The following CARMIL1 variants were observed in gnomAD, a reference collection of about 807,000 sequenced individuals.
CARMIL1 encodes the protein F-actin-uncapping protein LRRC16A.
Under a neutral mutation model 177.1 loss-of-function variants are expected in CARMIL1, and 90 were observed. That is an observed-to-expected ratio of 0.51 (90% confidence interval 0.43 to 0.61). The LOEUF (loss-of-function observed/expected upper bound fraction) is 0.61, where lower values mean the gene tolerates loss of function less well. Ranked by LOEUF, CARMIL1 falls within the 20% of genes least tolerant of loss-of-function variation. The pLI is 0.00. For synonymous variants in CARMIL1, 577 were observed against 606.2 expected (o/e 0.95, Z 0.71); for missense variants, 1,380 against 1,667.0 (o/e 0.83, Z 3.00).
chr6:25,541,776 C>T (rs976142654), intron 26 of CARMIL1, among the ~76,000 whole-genome samples: 2 of 152,262 alleles, frequency 1.3e-5, no homozygotes, highest in Admixed American at 6.5e-5. Flanking sequence ...GTGTCAGCCT[C>T]CCAAGTAGCT....
At chr6:25,442,706 AC>A (rs1797885324) in intron 5 of CARMIL1, among the ~76,000 whole-genome samples, 1 of 152,158 alleles carries the variant, frequency 6.6e-6, no homozygotes, top group African/African-American at 2.4e-5. Context: ...TCATGAGACT[AC>A]TTTAGCTCCT....
At chr6:25,379,989 T>C (rs182646968) in intron 2 of CARMIL1, among the ~76,000 whole-genome samples, 15 of 149,138 alleles carry the variant, frequency 1.0e-4, no homozygotes, top group African/African-American at 2.9e-4. Flanking sequence ...CTTACCTCCA[T>C]GGAATTTATT....
intron 31 of CARMIL1, among the ~76,000 whole-genome samples, chr6:25,586,116 G>A (rs1813637514): frequency 1.3e-5 from 2 of 150,200 alleles, no homozygotes; most frequent in South Asian, 4.2e-4. Flanking sequence ...TCTCCCTAAC[G>A]GGACGGCTGG....
chr6:25,427,280 C>A (rs114156841), intron 4 of CARMIL1, among the ~76,000 whole-genome samples: 5 of 152,086 alleles, frequency 3.3e-5, no homozygotes, highest in Non-Finnish European at 1.5e-5. Flanking sequence ...CCATCCATCA[C>A]CTAGGTATTA....
At chr6:25,487,072 T>C (rs1582118648) in intron 12 of CARMIL1, among the ~76,000 whole-genome samples, 1 of 152,370 alleles carries the variant, frequency 6.6e-6, no homozygotes, top group East Asian at 1.9e-4. Context: ...CTCGGTCTCC[T>C]GTATACCCAC....
At position 25,449,943 on chromosome 6, in the gene CARMIL1, T is replaced by G. The variant is rs1296634236; in HGVS notation, c.417T>G (p.Ala139=). The change falls in exon 6 of 37, where the codon GCT becomes GCG. Residue 139 remains alanine (A), a synonymous_variant. Coordinates refer to ENST00000329474, the MANE Select transcript of CARMIL1 (RefSeq NM_017640.6). The part of the protein sequence containing the change: ...KVSMEPSERL[A]SLQALWDSQT... Reference sequence around the variant, plus strand: ...CCATGGAGCCATCTGAGCGCCTGGCTAGTCTCCAGGCGCTGTGGGACAGCC... The same window carrying G: ...CCATGGAGCCATCTGAGCGCCTGGCGAGTCTCCAGGCGCTGTGGGACAGCC... 6.2e-7 allele frequency: 1 copy of G among 1,612,106 alleles called. No individual in the cohort carries two copies. The highest frequency in any genetic ancestry group is 1.7e-5 in the Admixed American group (1 of 59,802).
intron 2 of CARMIL1, among the ~76,000 whole-genome samples, chr6:25,408,301 A>T (rs1017992988): frequency 2.6e-5 from 4 of 151,662 alleles, no homozygotes; most frequent in Non-Finnish European, 4.4e-5. Context: ...ATAAAAAAAA[A>T]AAAAAAAAAA....
rs569412879 is a variant in CARMIL1, at chr6:25,474,999, G to T, written c.874+2478G>T. 5.9e-5 allele frequency among the ~76,000 whole-genome samples: 9 copies of T among 152,306 alleles called. No homozygotes were observed. The South Asian group carries it at 1.9e-3, about 32-fold the overall frequency. On this transcript the variant is annotated intron_variant, in intron 11 of 36. Transcript: ENST00000329474. ...GTACCATTTCAAAAGCAGTAGTGTGGCAATAATCAAAATAAGTCTTAGAAA... is the reference window on the plus strand; with the variant it reads ...GTACCATTTCAAAAGCAGTAGTGTGTCAATAATCAAAATAAGTCTTAGAAA...
In CARMIL1 at chr6:25,482,160, C is replaced by A. The variant is rs995708510; in HGVS notation, c.875-97C>A. 2.8e-5 allele frequency: 19 copies of A among 667,818 alleles called. No homozygotes were observed. The Middle Eastern group carries it at 8.8e-4, about 31-fold the overall frequency. The allele number at this position is 667,818 out of a possible 1,614,324, so 41.4% of individuals were successfully genotyped here. A position where few individuals can be genotyped will look rare whatever the true frequency, so the allele number is the denominator to read the frequency against. On this transcript the variant is annotated intron_variant, in intron 11 of 36. Transcript: ENST00000329474. ...GATATTAGAAAGAAAAATATGATCA[C>A]TTCAGTCAGAATCAAAATTAAGTTA...
At position 25,459,318 on chromosome 6, in the gene CARMIL1, C is replaced by T. The variant is rs78876292; in HGVS notation, c.615-6555C>T. 8.4e-3 allele frequency among the ~76,000 whole-genome samples: 1,141 copies of T among 136,486 alleles called. 13 individuals are homozygous for T. The highest frequency in any genetic ancestry group is 0.015 in the South Asian group (62 of 4,064). The allele number at this position is 136,486 out of a possible 152,430, so 89.5% of individuals were successfully genotyped here. On this transcript the variant is annotated intron_variant, in intron 8 of 36. Coordinates refer to ENST00000329474, the MANE Select transcript of CARMIL1 (RefSeq NM_017640.6). ...TGCTGTATTACCCAGCCTTGACCTC[C>T]TGGGCTTAGTTGATCCTCCCACTTC...
chr6:25,323,830 A>T (rs1784866001), intron 2 of CARMIL1, among the ~76,000 whole-genome samples: 1 of 152,028 alleles, frequency 6.6e-6, no homozygotes, highest in South Asian at 2.1e-4. Context: ...GTTTTGTTTC[A>T]TTTTTTTCCC....
At chr6:25,348,794 A>C (rs955797681) in intron 2 of CARMIL1, among the ~76,000 whole-genome samples, 5 of 152,188 alleles carry the variant, frequency 3.3e-5, no homozygotes, top group Non-Finnish European at 7.3e-5. Flanking sequence ...AAAATAAAAA[A>C]TAAAAATAAA....
chr6:25,482,147 A>T (rs1449248660), intron 11 of CARMIL1, 110 bp from the exon 12 acceptor site: 4 of 634,150 alleles, frequency 6.3e-6, no homozygotes, highest in Non-Finnish European at 1.1e-5. Context: ...TATTAGAAAG[A>T]AAAATATGAT....
chr6:25,393,267 C>T (rs1457177490), intron 2 of CARMIL1, among the ~76,000 whole-genome samples: 1 of 151,932 alleles, frequency 6.6e-6, no homozygotes, highest in Non-Finnish European at 1.5e-5. Context: ...CTATAAAGAT[C>T]ATGGTTAGGC....
At chr6:25,459,987 C>G (rs1388580052) in intron 8 of CARMIL1, among the ~76,000 whole-genome samples, 7 of 152,200 alleles carry the variant, frequency 4.6e-5, no homozygotes, top group African/African-American at 1.7e-4. Context: ...ATGTCATGGA[C>G]TGGTGATGGT....
At chr6:25,351,902 A>C (rs1299865717) in intron 2 of CARMIL1, among the ~76,000 whole-genome samples, 1 of 152,192 alleles carries the variant, frequency 6.6e-6, no homozygotes, top group Non-Finnish European at 1.5e-5. Flanking sequence ...GCTAGGAGTT[A>C]AGTCTGCCCC....
At chr6:25,305,160 A>G (rs1783164388) in intron 2 of CARMIL1, among the ~76,000 whole-genome samples, 2 of 152,212 alleles carry the variant, frequency 1.3e-5, no homozygotes, top group African/African-American at 4.8e-5. Context: ...GGGGGCAGAT[A>G]CACGGGCATT....
chr6:25,542,690 A>C (rs1183292345), intron 26 of CARMIL1, among the ~76,000 whole-genome samples: 1 of 152,144 alleles, frequency 6.6e-6, no homozygotes, highest in Non-Finnish European at 1.5e-5. Context: ...AATGTATTTT[A>C]AAATGTTCTT....
At chr6:25,459,855 A>C (rs1026848351) in intron 8 of CARMIL1, among the ~76,000 whole-genome samples, 4 of 152,212 alleles carry the variant, frequency 2.6e-5, no homozygotes, top group African/African-American at 9.6e-5. Context: ...GACTCATGAG[A>C]GGGTTCCCTC....
Sources: allele counts gnomAD v4.1 joint callset (sites outside exome capture counted in the v4.1 genomes callset), GRCh38; gene constraint gnomAD v4.1.1; transcripts MANE v1.5; gene names NCBI Gene and HGNC (gene_info 2026-07-23, HGNC 2026-07-21).